Variants in KLHL36 observed in about 807,000 individuals in gnomAD.
KLHL36 encodes kelch like family member 36.
In KLHL36, 35 loss-of-function variants were observed where a neutral mutation model predicts 53.3. The ratio of observed to expected loss-of-function variants is 0.66; its 90% CI spans 0.50 to 0.87. KLHL36 has a LOEUF of 0.87. KLHL36 is among the 40% of genes least tolerant of loss of function. The pLI is 0.00. For synonymous variants in KLHL36, 472 were observed against 398.9 expected, an observed-to-expected ratio of 1.18 and a Z score of -2.18; for missense variants, 864 against 897.6, an observed-to-expected ratio of 0.96 and a Z score of 0.48.
At chr16:84,654,720 C>T (rs1400328179) in intron 2 of KLHL36, among the ~76,000 whole-genome samples, 1 of 152,164 alleles carries the variant, frequency 6.6e-6, no homozygotes, top group Non-Finnish European at 1.5e-5. Context: ...AAGTGATTCT[C>T]CTGCGTCAGC....
At chr16:84,655,652 C>T (rs1339579658) in intron 2 of KLHL36, among the ~76,000 whole-genome samples, 2 of 147,782 alleles carry the variant, frequency 1.4e-5, no homozygotes, top group Non-Finnish European at 1.5e-5. Context: ...TGCAGTGAGC[C>T]GAGATTGTGC....
chr16:84,649,700 C>G (rs1484197208), intron 1 of KLHL36, among the ~76,000 whole-genome samples: 3 of 152,188 alleles, frequency 2.0e-5, no homozygotes, highest in Non-Finnish European at 4.4e-5. Context: ...GGACTGTGCC[C>G]GAATTCATTC....
At chr16:84,655,067 C>A (rs941446327) in intron 2 of KLHL36, among the ~76,000 whole-genome samples, 1 of 152,206 alleles carries the variant, frequency 6.6e-6, no homozygotes, top group African/African-American at 2.4e-5. Context: ...AAATAGAGAT[C>A]TCCACGTGTG....
chr16:84,661,875 G>A lies in KLHL36; in HGVS notation c.1593G>A (p.Pro531=), dbSNP rs1250792834. The A allele has an allele frequency of 4.4e-6, 7 of 1,600,038 alleles. No individual in the cohort carries two copies. Among genetic ancestry groups the A allele is most frequent in the East Asian group, 2.2e-5 (1 of 44,464 alleles). Residue 531 remains proline (P), a synonymous_variant, in exon 5 of 5, where the codon CCG becomes CCA. Coordinates refer to ENST00000564996, the MANE Select transcript of KLHL36 (RefSeq NM_024731.4). The surrounding 1 kb of genome is among the most constrained non-coding windows in gnomAD (Gnocchi z 7.9). ...PQCNQWTRVA[P]LLHANSESGV... is the part of the protein sequence containing the mutation. ...GCAACCAGTGGACCCGCGTGGCGCC[G>A]CTGCTGCACGCCAACAGCGAGTCGG...
In KLHL36 at chr16:84,657,478, G is replaced by A. The variant is rs781358833; in HGVS notation, c.671G>A (p.Arg224His). 6.2e-6 allele frequency: 10 copies of A among 1,607,216 alleles called. No homozygotes were observed. Among genetic ancestry groups the A allele is most frequent in the African/African-American group, 4.0e-5 (3 of 74,932 alleles). Residue 224 changes from arginine (R) to histidine (H), a missense_variant, in exon 3 of 5, where the codon CGC becomes CAC. Transcript: ENST00000564996. ...CAGTGGCTGACGCAGCAGCCCGAGC[G>A]CGAGGCCCACGCCCGCCAGGTGCTG... The part of the protein sequence containing the change: ...ALQWLTQQPE[R>H]EAHARQVLEN...
intron 4 of KLHL36, among the ~76,000 whole-genome samples, chr16:84,660,517 C>T (rs924015400): frequency 4.6e-5 from 7 of 152,158 alleles, no homozygotes; most frequent in African/African-American, 1.7e-4. Context: ...CCATTTTTTC[C>T]ACCAGTTCCC....
At chr16:84,653,577 A>G (rs1178194171) in intron 2 of KLHL36, among the ~76,000 whole-genome samples, 1 of 151,888 alleles carries the variant, frequency 6.6e-6, no homozygotes, top group Non-Finnish European at 1.5e-5. Context: ...ACATGGTGAA[A>G]CCCCGTCTCT....
rs765142128 is a variant in KLHL36, at chr16:84,657,306, A to G, written c.499A>G (p.Ile167Val). The G allele has an allele frequency of 4.3e-6, 7 of 1,613,778 alleles. No individual in the cohort carries two copies. Among genetic ancestry groups the G allele is most frequent in the Non-Finnish European group, 5.9e-6 (7 of 1,180,040 alleles). The change falls in exon 3 of 5, where the codon ATC becomes GTC. Residue 167 changes from isoleucine to valine, a missense_variant. Ile to Val is a conservative substitution (Grantham distance 29). Transcript: ENST00000564996. ...CAGCCTCAAGCGGCTTGATGCCTTC[A>G]TCGATGGCTTCATCCTGAACCACTT... ...IYSLKRLDAF[I>V]DGFILNHFGT...
chr16:84,657,128 G>A lies in KLHL36; in HGVS notation c.321G>A (p.Gly107=), dbSNP rs763463723. The part of the protein sequence containing the change: ...LKAVVDFLYG[G]ELVLDGGNID... ...CCGTGGTGGACTTCCTGTACGGCGGGGAGCTGGTGCTGGATGGCGGCAACA... is the reference window on the plus strand; with the variant it reads ...CCGTGGTGGACTTCCTGTACGGCGGAGAGCTGGTGCTGGATGGCGGCAACA... Residue 107 remains glycine, a synonymous_variant, in exon 3 of 5, where the codon GGG becomes GGA. Transcript: ENST00000564996. The A allele has an allele frequency of 1.9e-6, 3 of 1,614,198 alleles. No individual in the cohort carries two copies. Among genetic ancestry groups the A allele is most frequent in the Non-Finnish European group, 8.5e-7 (1 of 1,180,042 alleles).
In KLHL36 at chr16:84,662,394, T is replaced by G; in HGVS notation, c.*261T>G. On this transcript the variant is annotated 3_prime_UTR_variant, in exon 5 of 5. Transcript: ENST00000564996. ...CACAGGTCTTTGCCCCGTGTTATGA[T>G]TCCTCATGGGTCCTTGCTGACTGTC... The G allele has an allele frequency of 8.8e-6, 3 of 339,350 alleles. No individual in the cohort carries two copies. Among genetic ancestry groups the G allele is most frequent in the Non-Finnish European group, 1.6e-5 (3 of 182,902 alleles). The allele number at this position is 339,350 out of a possible 1,614,324, so 21.0% of individuals were successfully genotyped here. A position where few individuals can be genotyped will look rare whatever the true frequency, so the allele number is the denominator to read the frequency against.
chr16:84,658,266 C>G (rs1052019854), intron 3 of KLHL36: 1 of 252,972 alleles, frequency 4.0e-6, no homozygotes, highest in East Asian at 7.4e-5. Context: ...TGAAATGTGG[C>G]CAGTGCGACT....
chr16:84,657,564 G>T lies in KLHL36; in HGVS notation c.757G>T (p.Val253Leu), dbSNP rs764963635. Residue 253 changes from valine to leucine, a missense_variant, in exon 3 of 5, where the codon GTG (valine) becomes TTG (leucine). Physicochemically the swap from Val to Leu is conservative, Grantham distance 32. Coordinates refer to ENST00000564996, the MANE Select transcript of KLHL36 (RefSeq NM_024731.4). ...NDLLHRVKPA[V>L]CSLLPKEANC... Reference sequence around the variant, plus strand: ...CCTGCTGCACCGCGTCAAGCCGGCCGTGTGCTCGCTGCTGCCCAAGGAGGC... The same window carrying T: ...CCTGCTGCACCGCGTCAAGCCGGCCTTGTGCTCGCTGCTGCCCAAGGAGGC... The T allele has an allele frequency of 6.2e-7, 1 of 1,610,644 alleles. No individual in the cohort carries two copies. The highest frequency in any genetic ancestry group is 2.2e-5 in the East Asian group (1 of 44,864).
At chr16:84,649,119 G>A (rs1265713854) in intron 1 of KLHL36, 1 of 152,482 alleles carries the variant, frequency 6.6e-6, no homozygotes, top group Middle Eastern at 3.4e-3. Flanking sequence ...GGCCGGACGG[G>A]GCCTGCGGTC....
At chr16:84,654,571 G>C (rs1907089797) in intron 2 of KLHL36, among the ~76,000 whole-genome samples, 1 of 151,408 alleles carries the variant, frequency 6.6e-6, no homozygotes, top group South Asian at 2.1e-4. Flanking sequence ...GGGATTGCTT[G>C]AGACTAGTTT....
In KLHL36 at chr16:84,657,338, G is replaced by A. The variant is rs111957965; in HGVS notation, c.531G>A (p.Thr177=). ...IDGFILNHFG[T]LSFTPDFLQN... is the part of the protein sequence containing the mutation. ...GCTTCATCCTGAACCACTTCGGCAC[G>A]CTGTCCTTTACGCCCGACTTCCTGC... is the stretch of plus-strand genomic sequence containing the variant. The change falls in exon 3 of 5, where the codon ACG becomes ACA. Residue 177 remains threonine, a synonymous_variant. Transcript: ENST00000564996. 1.8e-4 allele frequency: 284 copies of A among 1,613,114 alleles called. 1 individual carries two copies. In the African/African-American group the frequency reaches 3.1e-3, roughly 18 times the overall value.
chr16:84,652,869 A>G (rs902041388), intron 2 of KLHL36, among the ~76,000 whole-genome samples: 3 of 152,196 alleles, frequency 2.0e-5, no homozygotes, highest in Non-Finnish European at 4.4e-5. Flanking sequence ...CTTTCTCAGC[A>G]TGTTGGTGTC....
intron 2 of KLHL36, among the ~76,000 whole-genome samples, chr16:84,654,305 A>C (rs1597215858): frequency 6.6e-6 from 1 of 152,258 alleles, no homozygotes; most frequent in East Asian, 1.9e-4. Flanking sequence ...CTCACACCCA[A>C]GAGGGGCCTC....
chr16:84,656,205 T>C (rs1327537990), intron 2 of KLHL36, among the ~76,000 whole-genome samples: 8 of 151,920 alleles, frequency 5.3e-5, no homozygotes, highest in South Asian at 2.1e-4. Flanking sequence ...TGAATTGTTG[T>C]GTTGTTTGGT....
rs1382548405 is a variant in KLHL36, at chr16:84,662,632, C to G, written c.*499C>G. On this transcript the variant is annotated 3_prime_UTR_variant, in exon 5 of 5. Coordinates refer to ENST00000564996, the MANE Select transcript of KLHL36 (RefSeq NM_024731.4). ...CCCAGAAGCTGTATTTTAACTAGTT[C>G]TTGGAATTCTGGGTATTAGTCACAT... 1 of 153,904 alleles carries G rather than the reference C, an allele frequency of 6.5e-6. No individual in the cohort carries two copies. Among genetic ancestry groups the G allele is most frequent in the East Asian group, 1.9e-4 (1 of 5,242 alleles). 9.5% of individuals were successfully genotyped at this position (153,904 alleles called of 1,614,324 possible).
Sources: gnomAD v4.1 joint callset for allele counts (sites outside exome capture counted in the v4.1 genomes callset) on GRCh38, gnomAD v4.1.1 for gene constraint, Gnocchi (gnomAD v3.1) non-coding constraint, MANE v1.5 for transcripts, NCBI Gene and HGNC (gene_info 2026-07-23, HGNC 2026-07-21) for gene names.